TMOD2: variants seen among roughly 807,000 people sequenced by gnomAD.
The protein encoded by TMOD2 is tropomodulin 2, also known as tropomodulin-2.
In TMOD2, 22 loss-of-function variants were observed where a neutral mutation model predicts 39.9. The observed-to-expected ratio is 0.55, with a 90% CI of 0.39 to 0.79. The LOEUF (loss-of-function observed/expected upper bound fraction) is 0.79. Ranked by LOEUF, TMOD2 falls within the 30% of genes least tolerant of loss-of-function variation. The pLI is 0.00. For missense variants in TMOD2, 386 were observed against 413.3 expected, an observed-to-expected ratio of 0.93 and a Z score of 0.57; for synonymous variants, 123 against 146.1, an observed-to-expected ratio of 0.84 and a Z score of 1.14.
chr15:51,774,499 A>G (rs2055874538), intron 4 of TMOD2, among the ~76,000 whole-genome samples: 1 of 152,198 alleles, frequency 6.6e-6, no homozygotes, highest in Admixed American at 6.5e-5. Flanking sequence ...AGGTGCTTTA[A>G]AAACCAGTCC....
At chr15:51,769,294 TC>T (rs1218064268) in intron 3 of TMOD2, among the ~76,000 whole-genome samples, 4 of 152,146 alleles carry the variant, frequency 2.6e-5, no homozygotes, top group Non-Finnish European at 5.9e-5. Flanking sequence ...ACTTCAGAAG[TC>T]CCTCAAGGCC....
chr15:51,751,641 C>G lies in TMOD2; in HGVS notation c.-141C>G, dbSNP rs2055703560. On this transcript the variant is annotated 5_prime_UTR_variant, in exon 1 of 10. Transcript: ENST00000249700. ...CCGGCCACGGCGCCGCCCCTGTTCTCCCGGCCCCGCTCCACCGGGGCTGAC... is the reference window on the plus strand; with the variant it reads ...CCGGCCACGGCGCCGCCCCTGTTCTGCCGGCCCCGCTCCACCGGGGCTGAC... The G allele has an allele frequency of 5.6e-6, 1 of 179,600 alleles. No individual in the cohort carries two copies. The highest frequency in any genetic ancestry group is 6.3e-5 in the Admixed American group (1 of 15,952). 11.1% of individuals were successfully genotyped at this position (179,600 alleles called of 1,614,324 possible).
At chr15:51,763,305 T>C (rs1432795256) in intron 1 of TMOD2, among the ~76,000 whole-genome samples, 1 of 152,250 alleles carries the variant, frequency 6.6e-6, no homozygotes, top group Non-Finnish European at 1.5e-5. Context: ...TACAAATAAA[T>C]GTGCTATGAA....
intron 8 of TMOD2, among the ~76,000 whole-genome samples, chr15:51,801,011 G>A (rs537610006): frequency 3.9e-5 from 6 of 152,164 alleles, no homozygotes; most frequent in South Asian, 4.2e-4. Context: ...CTAGCCTGGC[G>A]TCTCTTTATT....
chr15:51,773,844 G>T lies in TMOD2; in HGVS notation c.406+10G>T. 1 of 1,594,442 alleles carries T rather than the reference G, an allele frequency of 6.3e-7. No individual in the cohort carries two copies. Among genetic ancestry groups the T allele is most frequent in the South Asian group, 1.1e-5 (1 of 87,304 alleles). On this transcript the variant is annotated intron_variant, in intron 4 of 9. Transcript: ENST00000249700. ...CTCTATGATCTTGCAGGTTAGTCCT[G>T]AACTCTGGGAACTTTCCTGTCTGGC...
intron 1 of TMOD2, among the ~76,000 whole-genome samples, chr15:51,757,571 C>G (rs912994830): frequency 6.6e-6 from 1 of 152,200 alleles, no homozygotes; most frequent in Non-Finnish European, 1.5e-5. Flanking sequence ...CCCACCAGGA[C>G]TCCTGGAAGC....
chr15:51,792,409 T>A (rs10444825), intron 7 of TMOD2, among the ~76,000 whole-genome samples: 15 of 151,984 alleles, frequency 9.9e-5, no homozygotes, highest in Admixed American at 2.0e-4. Context: ...TTTTACACTG[T>A]TGGTGGGAGT....
At chr15:51,785,337 A>G (rs1595871979) in intron 7 of TMOD2, among the ~76,000 whole-genome samples, 1 of 147,668 alleles carries the variant, frequency 6.8e-6, no homozygotes, top group African/African-American at 2.5e-5. Context: ...GCGTGAACCC[A>G]GGAGGTGGAG....
At chr15:51,775,912 G>A (rs2055885860) in intron 4 of TMOD2, among the ~76,000 whole-genome samples, 1 of 152,122 alleles carries the variant, frequency 6.6e-6, no homozygotes, top group African/African-American at 2.4e-5. Context: ...ACAAGAATTT[G>A]TAAAGCATTT....
rs1361956759 is a variant in TMOD2, at chr15:51,813,582, A to G, written c.*5128A>G. ...ACCAACACTTAGCAGGTATATGATC[A>G]TGGGCAATTCATTCAATTGCCTGCC... On this transcript the variant is annotated 3_prime_UTR_variant, in exon 10 of 10. Coordinates refer to ENST00000249700, the MANE Select transcript of TMOD2 (RefSeq NM_014548.4). 6.6e-6 allele frequency: 1 copy of G among 152,204 alleles called. No homozygotes were observed. Among genetic ancestry groups the G allele is most frequent in the Non-Finnish European group, 1.5e-5 (1 of 68,044 alleles). The allele number at this position is 152,204 out of a possible 1,614,324, so 9.4% of individuals were successfully genotyped here.
chr15:51,796,461 C>A (rs559381626), intron 7 of TMOD2, among the ~76,000 whole-genome samples: 2 of 152,128 alleles, frequency 1.3e-5, no homozygotes, highest in East Asian at 1.9e-4. Flanking sequence ...CCCCTGCAAT[C>A]GCTACAGTTA....
chr15:51,757,467 T>C (rs997344256), intron 1 of TMOD2, among the ~76,000 whole-genome samples: 1 of 150,774 alleles, frequency 6.6e-6, no homozygotes, highest in Non-Finnish European at 1.5e-5. Context: ...TATATTTGGA[T>C]AATAGGAAGA....
chr15:51,779,385 C>CT (rs138219802), intron 5 of TMOD2, among the ~76,000 whole-genome samples: 206 of 145,652 alleles, frequency 1.4e-3, no homozygotes, highest in Middle Eastern at 7.1e-3. Context: ...GAGTAGATAA[C>CT]TTTTTTTTTT....
chr15:51,806,309 TCC>T, intron 8 of TMOD2, 66 bp from the exon 9 acceptor site: 1 of 1,578,612 alleles, frequency 6.3e-7, no homozygotes, highest in South Asian at 1.1e-5. Flanking sequence ...CTTGTCTTTT[TCC>T]TGTGCAAGTA....
intron 7 of TMOD2, among the ~76,000 whole-genome samples, chr15:51,790,145 T>C (rs1025413987): frequency 6.6e-6 from 1 of 151,980 alleles, no homozygotes; most frequent in Non-Finnish European, 1.5e-5. Flanking sequence ...AAGAATCAAA[T>C]AGATGCAATA....
intron 7 of TMOD2, among the ~76,000 whole-genome samples, chr15:51,797,881 C>T (rs1311666465): frequency 2.8e-5 from 3 of 106,660 alleles, no homozygotes; most frequent in South Asian, 2.9e-4. Context: ...TGTGTTTTCT[C>T]AAAAAAAAAA....
intron 1 of TMOD2, chr15:51,752,544 G>A (rs2055713334): frequency 6.6e-6 from 1 of 152,196 alleles, no homozygotes; most frequent in Admixed American, 6.5e-5. Flanking sequence ...CGGGGGAGGT[G>A]TTTTAAAAAC....
At chr15:51,789,914 T>A (rs917116482) in intron 7 of TMOD2, among the ~76,000 whole-genome samples, 6 of 151,960 alleles carry the variant, frequency 3.9e-5, no homozygotes, top group Non-Finnish European at 7.4e-5. Context: ...GCAGGAGAAA[T>A]CTAAAATCGA....
At chr15:51,753,377 A>G (rs995712967) in intron 1 of TMOD2, among the ~76,000 whole-genome samples, 1 of 152,204 alleles carries the variant, frequency 6.6e-6, no homozygotes, top group Admixed American at 6.5e-5. Context: ...AGCAGCATCT[A>G]CTGCGAGTCT....
Sources: allele counts gnomAD v4.1 joint callset (sites outside exome capture counted in the v4.1 genomes callset), GRCh38; gene constraint gnomAD v4.1.1; transcripts MANE v1.5; gene names NCBI Gene and HGNC (gene_info 2026-07-23, HGNC 2026-07-21).